Variants in RBFOX1 observed in about 807,000 individuals in gnomAD.
RBFOX1 encodes the protein RNA binding protein fox-1 homolog 1.
In RBFOX1, 8 loss-of-function variants were observed where a neutral mutation model predicts 57.7. The observed-to-expected ratio is 0.14, with a 90% CI of 0.08 to 0.25. The LOEUF is 0.25. Ranked by LOEUF, RBFOX1 falls within the 10% of genes least tolerant of loss-of-function variation. RBFOX1 has a pLI of 1.00. For missense variants in RBFOX1, 611 were observed against 548.5 expected (o/e 1.11, Z -1.14); for synonymous variants, 326 against 222.4 (o/e 1.47, Z -4.15).
intron 3 of RBFOX1, among the ~76,000 whole-genome samples, chr16:6,917,291 C>G (rs553471894): frequency 2.6e-5 from 4 of 152,314 alleles, no homozygotes; most frequent in East Asian, 3.9e-4. Flanking sequence ...CATTTGTAAC[C>G]AAACACTGAA....
At chr16:7,149,218 C>T (rs555488458) in intron 4 of RBFOX1, among the ~76,000 whole-genome samples, 1 of 152,254 alleles carries the variant, frequency 6.6e-6, no homozygotes, top group Admixed American at 6.5e-5. Context: ...GTCAAGACTG[C>T]TGGACTTCCT....
At chr16:6,219,759 C>A (rs2097359770) in intron 1 of RBFOX1, among the ~76,000 whole-genome samples, 1 of 152,004 alleles carries the variant, frequency 6.6e-6, no homozygotes, top group African/African-American at 2.4e-5. Context: ...GCCAGTAATC[C>A]CAGCTACTCA....
chr16:5,766,311 G>T (rs1476867908), intron 3 of RBFOX1, among the ~76,000 whole-genome samples: 1 of 152,172 alleles, frequency 6.6e-6, no homozygotes, highest in East Asian at 1.9e-4. Context: ...TCTGGGCTGG[G>T]CACGGTGGCT....
chr16:7,051,157 G>C (rs1261437697), intron 3 of RBFOX1, among the ~76,000 whole-genome samples: 2 of 152,260 alleles, frequency 1.3e-5, no homozygotes, highest in Non-Finnish European at 2.9e-5. Context: ...TAGAATAAAG[G>C]TGAATGAAGA....
Position 5,330,730 on chromosome 16 carries a change from G to C in RBFOX1, c.219+90625G>C, listed in dbSNP as rs534313945. Among the ~76,000 whole-genome samples, 885 of 146,836 alleles carry C rather than the reference G, an allele frequency of 6.0e-3. 9 individuals are homozygous for C. The highest frequency in any genetic ancestry group is 0.021 in the African/African-American group (832 of 39,604). On this transcript the variant is annotated intron_variant, in intron 1 of 2. Coordinates refer to the RBFOX1 transcript ENST00000585867. ...TACTTTTTTTTTTTTTTTTTAATGAGAAACCCTGTGGCCACAGCAGACAAG... is the reference window on the plus strand; with the variant it reads ...TACTTTTTTTTTTTTTTTTTAATGACAAACCCTGTGGCCACAGCAGACAAG...
intron 3 of RBFOX1, among the ~76,000 whole-genome samples, chr16:7,043,152 G>C (rs767507599): frequency 6.6e-6 from 1 of 152,022 alleles, no homozygotes; most frequent in Non-Finnish European, 1.5e-5. Context: ...CTCAGTAAGG[G>C]TTAGATCAAG....
intron 1 of RBFOX1, among the ~76,000 whole-genome samples, chr16:5,387,583 A>G (rs140742831): frequency 1.4e-3 from 214 of 152,340 alleles, no homozygotes; most frequent in African/African-American, 5.0e-3. Context: ...TTGGATTTAT[A>G]TTGCATTGAC....
chr16:6,799,277 A>G (rs1892238020), intron 3 of RBFOX1, among the ~76,000 whole-genome samples: 1 of 151,794 alleles, frequency 6.6e-6, no homozygotes, highest in Non-Finnish European at 1.5e-5. Context: ...GCCGAGTAGC[A>G]CTCCTGGATT....
chr16:6,171,416 T>A (rs1365248263), intron 1 of RBFOX1, among the ~76,000 whole-genome samples: 1 of 152,172 alleles, frequency 6.6e-6, no homozygotes, highest in African/African-American at 2.4e-5. Flanking sequence ...AGAGAATGCC[T>A]CAAAGGTAGC....
chr16:5,395,059 T>A (rs1274334714), intron 1 of RBFOX1, among the ~76,000 whole-genome samples: 1 of 152,200 alleles, frequency 6.6e-6, no homozygotes, highest in Non-Finnish European at 1.5e-5. Flanking sequence ...TCAGAATCTC[T>A]TCCCAACCTG....
At chr16:5,997,520 T>C (rs2060511908) in intron 4 of RBFOX1, among the ~76,000 whole-genome samples, 1 of 152,218 alleles carries the variant, frequency 6.6e-6, no homozygotes, top group African/African-American at 2.4e-5. Flanking sequence ...ACACCTGTAC[T>C]TTATCTGACA....
intron 1 of RBFOX1, among the ~76,000 whole-genome samples, chr16:5,278,392 T>C (rs1210143774): frequency 6.6e-6 from 1 of 152,240 alleles, no homozygotes; most frequent in Non-Finnish European, 1.5e-5. Flanking sequence ...TTTGCTTTTG[T>C]GGCGATTGCG....
At chr16:6,630,824 AACTTG>A (rs551756412) in intron 2 of RBFOX1, among the ~76,000 whole-genome samples, 23 of 152,196 alleles carry the variant, frequency 1.5e-4, no homozygotes, top group Non-Finnish European at 2.4e-4. Flanking sequence ...TTAAGAAAGA[AACTTG>A]ACTTCCTCTA....
intron 3 of RBFOX1, among the ~76,000 whole-genome samples, chr16:7,012,834 C>T (rs1361399028): frequency 2.0e-5 from 3 of 152,086 alleles, no homozygotes; most frequent in African/African-American, 7.2e-5. Flanking sequence ...TAACAAAATG[C>T]CGTAGACTGG....
At chr16:6,995,374 G>A (rs568729988) in intron 3 of RBFOX1, among the ~76,000 whole-genome samples, 2 of 151,410 alleles carry the variant, frequency 1.3e-5, no homozygotes, top group Admixed American at 6.6e-5. Context: ...ACTTGGGGAG[G>A]GGGATGGATT....
intron 1 of RBFOX1, among the ~76,000 whole-genome samples, chr16:6,277,116 G>A (rs895422015): frequency 2.0e-5 from 3 of 152,048 alleles, no homozygotes; most frequent in African/African-American, 7.2e-5. Flanking sequence ...ATTGCCGGAG[G>A]TTCAGAAAAT....
intron 2 of RBFOX1, among the ~76,000 whole-genome samples, chr16:6,404,447 C>T (rs975049498): frequency 2.6e-5 from 4 of 152,140 alleles, no homozygotes; most frequent in Non-Finnish European, 5.9e-5. Flanking sequence ...AGTTCAGTTA[C>T]AAATGCAATT....
At chr16:5,972,035 G>A (rs2152300192) in intron 4 of RBFOX1, among the ~76,000 whole-genome samples, 1 of 152,306 alleles carries the variant, frequency 6.6e-6, no homozygotes, top group East Asian at 1.9e-4. Context: ...GACTCAAACT[G>A]AAGCATGGGC....
intron 3 of RBFOX1, among the ~76,000 whole-genome samples, chr16:5,656,191 A>G (rs79667110): frequency 0.019 from 2,847 of 152,288 alleles, 85 homozygotes; most frequent in African/African-American, 0.065. Flanking sequence ...GTGTAGGCAA[A>G]TCATTTGGAC....
Sources: allele counts gnomAD v4.1 joint callset (sites outside exome capture counted in the v4.1 genomes callset), GRCh38; gene constraint gnomAD v4.1.1; transcripts MANE v1.5; gene names NCBI Gene and HGNC (gene_info 2026-07-23, HGNC 2026-07-21).